Variants in XKR9 observed in about 807,000 individuals in gnomAD.
XKR9 encodes the protein XK related 9.
In XKR9, 32 loss-of-function variants were observed where a neutral mutation model predicts 32.0. The observed-to-expected ratio is 1.00, with a 90% CI of 0.76 to 1.34. The LOEUF (loss-of-function observed/expected upper bound fraction) is 1.34, where lower values mean the gene tolerates loss of function less well. Ranked by LOEUF, XKR9 falls within the 40% of genes most tolerant of loss-of-function variation. XKR9 has a pLI of 0.00. For missense variants in XKR9, 546 were observed against 429.7 expected, an observed-to-expected ratio of 1.27 and a Z score of -2.39; for synonymous variants, 168 against 143.4, an observed-to-expected ratio of 1.17 and a Z score of -1.22.
At chr8:70,779,910 G>T (rs752194500) in intron 2 of XKR9, among the ~76,000 whole-genome samples, 6 of 151,876 alleles carry the variant, frequency 4.0e-5, no homozygotes, top group Non-Finnish European at 8.8e-5. Flanking sequence ...ACCAGCTCTT[G>T]GATTCATTGA....
downstream of XKR9, among the ~76,000 whole-genome samples, chr8:70,738,108 TTTGG>T (rs2130152386): frequency 8.0e-6 from 1 of 125,696 alleles, no homozygotes; most frequent in Non-Finnish European, 1.9e-5. Context: ...CTGGACTCTT[TTTGG>T]TTGGTAAGCT....
chr8:70,749,495 G>T (rs1586881904), intron 2 of XKR9, among the ~76,000 whole-genome samples: 2 of 152,318 alleles, frequency 1.3e-5, no homozygotes, highest in East Asian at 3.9e-4. Flanking sequence ...GCTACTTGTG[G>T]TACATTTGGT....
intron 3 of XKR9, among the ~76,000 whole-genome samples, chr8:70,698,779 G>A (rs1206266870): frequency 8.7e-5 from 13 of 149,830 alleles, no homozygotes; most frequent in Admixed American, 2.0e-4. Context: ...AATGTTGACA[G>A]TGGGGTGTTA....
intron 2 of XKR9, among the ~76,000 whole-genome samples, chr8:70,783,675 A>G (rs535365244): frequency 1.3e-5 from 2 of 152,148 alleles, no homozygotes; most frequent in Admixed American, 1.3e-4. Context: ...CACACTGTTA[A>G]TTGTTTTCTT....
chr8:70,723,043 A>G (rs1020103517), intron 4 of XKR9, among the ~76,000 whole-genome samples: 1 of 151,678 alleles, frequency 6.6e-6, no homozygotes, highest in African/African-American at 2.4e-5. Context: ...TATTTCTTTA[A>G]GTTGATCTTC....
chr8:70,810,510 G>A, the XKR9 span, among the ~76,000 whole-genome samples: 1 of 152,126 alleles, frequency 6.6e-6, no homozygotes, highest in African/African-American at 2.4e-5. Flanking sequence ...TGGATAAAGA[G>A]TCAAGACCCA....
At chr8:70,843,037 C>T in the XKR9 span, among the ~76,000 whole-genome samples, 8 of 152,174 alleles carry the variant, frequency 5.3e-5, no homozygotes, top group Non-Finnish European at 1.0e-4. Flanking sequence ...TCGGGATGCA[C>T]GCCCATGACT....
the XKR9 span, among the ~76,000 whole-genome samples, chr8:71,027,353 T>C: frequency 6.7e-6 from 1 of 148,356 alleles, no homozygotes; most frequent in African/African-American, 2.4e-5. Flanking sequence ...TAAATGAATA[T>C]ATTTTTAAAA....
chr8:70,801,071 A>T, the XKR9 span, among the ~76,000 whole-genome samples: 208 of 131,554 alleles, frequency 1.6e-3, no homozygotes, highest in African/African-American at 5.2e-3. Flanking sequence ...CTATTTTTTT[A>T]AAAAAATTAG....
At chr8:70,970,831 T>C in the XKR9 span, among the ~76,000 whole-genome samples, 8 of 152,290 alleles carry the variant, frequency 5.3e-5, no homozygotes, top group South Asian at 1.2e-3. Context: ...TGTGGAGAAA[T>C]AGGAATGCTT....
At chr8:70,860,357 C>T in the XKR9 span, among the ~76,000 whole-genome samples, 1 of 152,092 alleles carries the variant, frequency 6.6e-6, no homozygotes, top group Non-Finnish European at 1.5e-5. Context: ...AGTTGGCAGT[C>T]TGCAACCCAG....
chr8:70,967,514 G>C, the XKR9 span, among the ~76,000 whole-genome samples: 1 of 152,080 alleles, frequency 6.6e-6, no homozygotes, highest in Non-Finnish European at 1.5e-5. Flanking sequence ...TTGTTTATGT[G>C]GTTGCTTCAT....
intron 3 of XKR9, among the ~76,000 whole-genome samples, chr8:70,700,999 G>T (rs1805508572): frequency 6.6e-6 from 1 of 152,218 alleles, no homozygotes; most frequent in Non-Finnish European, 1.5e-5. Flanking sequence ...CCAGGTGTGG[G>T]ATATAATCTG....
At chr8:70,900,287 G>T in the XKR9 span, among the ~76,000 whole-genome samples, 13 of 152,066 alleles carry the variant, frequency 8.5e-5, no homozygotes, top group African/African-American at 3.1e-4. Context: ...ATGCAAAAAT[G>T]GTGAATTAAA....
chr8:71,044,944 C>A, the XKR9 span, among the ~76,000 whole-genome samples: 1 of 152,082 alleles, frequency 6.6e-6, no homozygotes, highest in African/African-American at 2.4e-5. Context: ...AAATATGTAA[C>A]CTGAACACAT....
chr8:71,003,363 CT>C, the XKR9 span, among the ~76,000 whole-genome samples: 1 of 152,178 alleles, frequency 6.6e-6, no homozygotes, highest in Non-Finnish European at 1.5e-5. Context: ...AAATTGTAAC[CT>C]TGATACATGT....
At chr8:70,780,437 TC>T (rs1296665892) in intron 2 of XKR9, among the ~76,000 whole-genome samples, 12 of 152,260 alleles carry the variant, frequency 7.9e-5, no homozygotes, top group Admixed American at 7.9e-4. Context: ...TTCTCATTAT[TC>T]TTTAGTTCAA....
the XKR9 span, among the ~76,000 whole-genome samples, chr8:71,065,528 G>A: frequency 1.3e-5 from 2 of 152,156 alleles, no homozygotes; most frequent in African/African-American, 4.8e-5. Flanking sequence ...ATTTTGTTAC[G>A]GCAGCCCAAG....
chr8:70,861,488 C>CAAAA, the XKR9 span, among the ~76,000 whole-genome samples: 1 of 146,670 alleles, frequency 6.8e-6, no homozygotes, highest in African/African-American at 2.5e-5. Context: ...TTGTGTCTAT[C>CAAAA]AAAAAAAAAA....
Sources: gnomAD v4.1 joint callset for allele counts (sites outside exome capture counted in the v4.1 genomes callset) on GRCh38, gnomAD v4.1.1 for gene constraint, MANE v1.5 for transcripts, NCBI Gene and HGNC (gene_info 2026-07-23, HGNC 2026-07-21) for gene names.